The following B3GALNT2 variants were observed in gnomAD, a reference collection of about 807,000 sequenced individuals.
B3GALNT2 encodes beta-1,3-N-acetylgalactosaminyltransferase 2.
In B3GALNT2, 53 loss-of-function variants were observed where a neutral mutation model predicts 61.1. The ratio of observed to expected loss-of-function variants is 0.87; its 90% CI spans 0.70 to 1.09. The LOEUF (loss-of-function observed/expected upper bound fraction) is 1.09, where lower values mean the gene tolerates loss of function less well. Ranked by LOEUF, B3GALNT2 falls within the 50% of genes least tolerant of loss-of-function variation. The probability of loss-of-function intolerance (pLI) is 0.00; values close to 1 mark genes in which losing one functional copy is unlikely to be tolerated. For missense variants in B3GALNT2, 544 were observed against 623.0 expected (o/e 0.87, Z 1.35); for synonymous variants, 223 against 237.4 (o/e 0.94, Z 0.56).
chr1:235,494,413 A>AT (rs1469783558), intron 2 of B3GALNT2, among the ~76,000 whole-genome samples: 1 of 152,062 alleles, frequency 6.6e-6, no homozygotes, highest in Non-Finnish European at 1.5e-5. Context: ...AAGAGCCCAC[A>AT]TATCTGAATG....
intron 5 of B3GALNT2, among the ~76,000 whole-genome samples, chr1:235,474,985 ATATTTT>A (rs1397644344): frequency 2.6e-4 from 10 of 37,772 alleles, no homozygotes; most frequent in African/African-American, 3.5e-4. Flanking sequence ...ATATATATAT[ATATTTT>A]TTTTTTTTTT....
chr1:235,491,439 T>C (rs1685061797), intron 2 of B3GALNT2, among the ~76,000 whole-genome samples: 2 of 152,350 alleles, frequency 1.3e-5, no homozygotes, highest in South Asian at 2.1e-4. Context: ...AACATGTATG[T>C]ACATATAAGC....
chr1:235,492,240 A>T (rs866713488), intron 2 of B3GALNT2, among the ~76,000 whole-genome samples: 29 of 152,238 alleles, frequency 1.9e-4, no homozygotes, highest in Middle Eastern at 3.2e-3. Context: ...TTGGAATAAA[A>T]GTATAAACAG....
chr1:235,489,138 G>A (rs775071766), intron 3 of B3GALNT2, 30 bp downstream of exon 3: 2 of 1,612,400 alleles, frequency 1.2e-6, no homozygotes, highest in African/African-American at 1.3e-5. Context: ...TCAAGCTTGT[G>A]TATGGCAGTC....
At chr1:235,444,231 T>G (rs1682092662), downstream of B3GALNT2, among the ~76,000 whole-genome samples, 1 of 152,226 alleles carries the variant, frequency 6.6e-6, no homozygotes, top group African/African-American at 2.4e-5. Context: ...GTCTCCATTT[T>G]TATTTATTCA....
chr1:235,488,267 AT>A (rs1320871752), intron 3 of B3GALNT2, among the ~76,000 whole-genome samples: 19 of 152,316 alleles, frequency 1.2e-4, no homozygotes, highest in South Asian at 6.2e-4. Flanking sequence ...GTAATTCAGG[AT>A]TTATCTAAGC....
At chr1:235,465,994 T>C (rs1314917324) in intron 6 of B3GALNT2, among the ~76,000 whole-genome samples, 1 of 152,138 alleles carries the variant, frequency 6.6e-6, no homozygotes, top group East Asian at 1.9e-4. Context: ...GCTACTCTAG[T>C]AGTACAAAAA....
At chr1:235,466,486 A>G (rs704711) in intron 6 of B3GALNT2, among the ~76,000 whole-genome samples, 69,692 of 151,946 alleles carry the variant, frequency 0.46, 16,642 homozygotes, top group Non-Finnish European at 0.5. Context: ...ACAAGCAGCT[A>G]GCACTACAGG....
At chr1:235,441,933 T>C in the B3GALNT2 span, 1 of 1,513,840 alleles carries the variant, frequency 6.6e-7, no homozygotes, top group Non-Finnish European at 9.2e-7. Context: ...GCTTAGGTGC[T>C]GAAACAGTTA....
intron 2 of B3GALNT2, among the ~76,000 whole-genome samples, chr1:235,493,111 C>A (rs77047975): frequency 3.2e-3 from 482 of 152,222 alleles, no homozygotes; most frequent in Non-Finnish European, 5.3e-3. Context: ...GGGACTTCTG[C>A]AATAATCCAG....
Position 235,494,948 on chromosome 1 carries a change from A to T in B3GALNT2, c.113-120T>A, listed in dbSNP as rs1685248505. 38 of 1,047,962 alleles carry T rather than the reference A, an allele frequency of 3.6e-5. No homozygotes were observed. In the Middle Eastern group the frequency reaches 9.0e-4, roughly 25 times the overall value. The allele number at this position is 1,047,962 out of a possible 1,614,324, so 64.9% of individuals were successfully genotyped here. A position where few individuals can be genotyped will look rare whatever the true frequency, so the allele number is the denominator to read the frequency against. ...TTGTAGGAAATTCAGATAAACACAA[A>T]GAAAAGAATTTTTAAATCACATATG... On this transcript the variant is annotated intron_variant, in intron 1 of 11. Coordinates refer to ENST00000366600, the MANE Select transcript of B3GALNT2 (RefSeq NM_152490.5).
At chr1:235,502,042 C>T (rs908779544) in intron 1 of B3GALNT2, among the ~76,000 whole-genome samples, 13 of 152,082 alleles carry the variant, frequency 8.5e-5, no homozygotes, top group Admixed American at 1.3e-4. Flanking sequence ...GATGGACTTT[C>T]GCTCTTGTCA....
rs140537995 is a variant in B3GALNT2, at chr1:235,488,254, T to C, written c.361+914A>G. On this transcript the variant is annotated intron_variant, in intron 3 of 11. Coordinates refer to ENST00000366600, the MANE Select transcript of B3GALNT2 (RefSeq NM_152490.5). ...CAGCAGTTTTCCAAAAGTTCAAAAT[T>C]TGGTAATTCAGGATTTATCTAAGCA... Among the ~76,000 whole-genome samples the C allele has an allele frequency of 2.7e-3, 404 of 152,254 alleles. 1 individual carries two copies. The highest frequency in any genetic ancestry group is 9.2e-3 in the African/African-American group (384 of 41,540).
intron 2 of B3GALNT2, among the ~76,000 whole-genome samples, chr1:235,492,306 T>C (rs1363516054): frequency 1.3e-5 from 2 of 152,220 alleles, no homozygotes; most frequent in Non-Finnish European, 2.9e-5. Context: ...TTTGGTTTTT[T>C]AGCCATCTTA....
chr1:235,494,366 T>A (rs1038727297), intron 2 of B3GALNT2, among the ~76,000 whole-genome samples: 5 of 152,116 alleles, frequency 3.3e-5, no homozygotes, highest in Non-Finnish European at 7.4e-5. Context: ...CCAAACTATA[T>A]GGAAGAAAAG....
intron 4 of B3GALNT2, among the ~76,000 whole-genome samples, chr1:235,481,278 A>G (rs1025785001): frequency 1.3e-5 from 2 of 152,242 alleles, no homozygotes; most frequent in Non-Finnish European, 2.9e-5. Context: ...ACTAGAAGTT[A>G]TATCGACATG....
chr1:235,488,766 A>G (rs995190331), intron 3 of B3GALNT2, among the ~76,000 whole-genome samples: 4 of 149,220 alleles, frequency 2.7e-5, no homozygotes, highest in African/African-American at 5.0e-5. Flanking sequence ...TCTATTAAAA[A>G]CAGACTCCAG....
intron 9 of B3GALNT2, among the ~76,000 whole-genome samples, chr1:235,454,813 T>C (rs1683090330): frequency 6.6e-6 from 1 of 152,210 alleles, no homozygotes. Context: ...ATTGGTTATG[T>C]TAAATTTTCT....
chr1:235,458,857 A>T, intron 7 of B3GALNT2, 71 bp from the exon 8 acceptor site: 1 of 1,324,524 alleles, frequency 7.5e-7, no homozygotes, highest in Non-Finnish European at 1.0e-6. Context: ...GATGATGTAC[A>T]CTAAAGTTCT....
Sources: allele counts gnomAD v4.1 joint callset (sites outside exome capture counted in the v4.1 genomes callset), GRCh38; gene constraint gnomAD v4.1.1; transcripts MANE v1.5; gene names NCBI Gene and HGNC (gene_info 2026-07-23, HGNC 2026-07-21).